USP7: variants seen among roughly 807,000 people sequenced by gnomAD.
USP7 encodes ubiquitin specific peptidase 7, also known as ubiquitin C-terminal hydrolase 7.
A neutral mutation model predicts 162.9 loss-of-function variants in USP7; 9 were observed. That is an observed-to-expected ratio of 0.06 (90% CI 0.03 to 0.10). The LOEUF is 0.10. Ranked by LOEUF, USP7 falls within the 10% of genes least tolerant of loss-of-function variation. The pLI, the probability that USP7 is intolerant of heterozygous loss-of-function variation, is 1.00. For synonymous variants in USP7, 562 were observed against 475.9 expected, an observed-to-expected ratio of 1.18 and a Z score of -2.35; for missense variants, 715 against 1,373.7, an observed-to-expected ratio of 0.52 and a Z score of 7.58.
chr16:8,927,325 A>AG (rs1596387282), intron 2 of USP7, among the ~76,000 whole-genome samples: 1 of 152,024 alleles, frequency 6.6e-6, no homozygotes. Flanking sequence ...AAAAAGAAAA[A>AG]AAAAAAGAAA....
intron 10 of USP7, among the ~76,000 whole-genome samples, chr16:8,912,885 A>G (rs1183928689): frequency 2.6e-5 from 4 of 152,360 alleles, no homozygotes; most frequent in Middle Eastern, 3.4e-3. Context: ...ATGAAACACC[A>G]TGGATGGGAT....
Position 8,921,261 on chromosome 16 carries a change from T to C in USP7, c.418A>G (p.Ile140Val), listed in dbSNP as rs749385823. 6.2e-7 allele frequency: 1 copy of C among 1,614,134 alleles called. No individual in the cohort carries two copies. The highest frequency in any genetic ancestry group is 8.5e-7 in the Non-Finnish European group (1 of 1,180,014). Reference sequence around the variant, plus strand: ...TTTTCATCATCTCTGTAATTTATTATCTTCAGCACTGCTTGTGCATGGCAA... The same window carrying C: ...TTTTCATCATCTCTGTAATTTATTACCTTCAGCACTGCTTGTGCATGGCAA... ...WSCHAQAVLK[I>V]INYRDDEKSF... The change falls in exon 4 of 31, where the codon ATA becomes GTA. Residue 140 changes from isoleucine to valine, a missense_variant. By Grantham distance (29) the Ile-to-Val change is conservative. Coordinates refer to ENST00000344836, the MANE Select transcript of USP7 (RefSeq NM_003470.3).
chr16:8,913,066 A>G (rs898263786), intron 10 of USP7, among the ~76,000 whole-genome samples: 10 of 152,130 alleles, frequency 6.6e-5, no homozygotes, highest in Non-Finnish European at 1.5e-4. Flanking sequence ...CCTTAAAAGC[A>G]CATGGGGGGC....
chr16:8,903,218 G>C lies in USP7; in HGVS notation c.1839+50C>G, dbSNP rs751850015. 4 of 1,584,976 alleles carry C rather than the reference G, an allele frequency of 2.5e-6. No homozygotes were observed. The South Asian group carries it at 4.6e-5, about 18-fold the overall frequency. ...GTATTTTCTAGTGACACGGAAGGAA[G>C]GTGGACGTTGGGAGCCACGGTGGGG... On this transcript the variant is annotated intron_variant, in intron 16 of 30. Coordinates refer to ENST00000344836, the MANE Select transcript of USP7 (RefSeq NM_003470.3).
At chr16:8,918,169 A>G (rs930989721) in intron 6 of USP7, among the ~76,000 whole-genome samples, 20 of 152,264 alleles carry the variant, frequency 1.3e-4, no homozygotes, top group Admixed American at 8.5e-4. Context: ...AGAATTACCC[A>G]TGCTGAGCTG....
chr16:8,918,366 T>C (rs972485715), intron 6 of USP7, among the ~76,000 whole-genome samples: 5 of 152,244 alleles, frequency 3.3e-5, no homozygotes, highest in African/African-American at 9.6e-5. Context: ...TGTATGTCTA[T>C]TCTTTTTGTT....
intron 4 of USP7, 145 bp downstream of exon 4, chr16:8,921,012 G>C (rs1167694795): frequency 5.3e-6 from 5 of 944,300 alleles, no homozygotes; most frequent in Non-Finnish European, 3.0e-6. Context: ...CGAAACTGGA[G>C]AAAACATGTT....
At chr16:8,900,895 C>CTAACACTG (rs1482141232) in intron 20 of USP7, 95 bp downstream of exon 20, 1 of 1,305,688 alleles carries the variant, frequency 7.7e-7, no homozygotes, top group Admixed American at 2.2e-5. Flanking sequence ...GCTGGTAGAC[C>CTAACACTG]TAACACTGTA....
At chr16:8,934,370 G>A (rs1302027109) in intron 1 of USP7, among the ~76,000 whole-genome samples, 1 of 152,200 alleles carries the variant, frequency 6.6e-6, no homozygotes, top group African/African-American at 2.4e-5. Flanking sequence ...AGAAGGGCTT[G>A]TTTGGGTGAC....
chr16:8,956,609 T>C (rs1442193494), intron 1 of USP7, among the ~76,000 whole-genome samples: 4 of 151,980 alleles, frequency 2.6e-5, no homozygotes, highest in Admixed American at 6.6e-5. Context: ...TACTAAAATA[T>C]AAAAATTAGC....
rs918882040 is a variant in USP7 at position 8,892,784 on chromosome 16, T to C, written c.*1214A>G. ...GTAACTCACTGAATTATAATTTTTA[T>C]AGAAAATTTTATTCAACATACAACA... On this transcript the variant is annotated 3_prime_UTR_variant, in exon 31 of 31. Coordinates refer to ENST00000344836, the MANE Select transcript of USP7 (RefSeq NM_003470.3). The C allele has an allele frequency of 1.3e-5, 2 of 152,138 alleles. No homozygotes were observed. The highest frequency in any genetic ancestry group is 2.9e-5 in the Non-Finnish European group (2 of 68,032). The allele number at this position is 152,138 out of a possible 1,614,324, so 9.4% of individuals were successfully genotyped here.
chr16:8,924,143 T>A (rs1235957017), intron 2 of USP7, among the ~76,000 whole-genome samples: 1 of 152,214 alleles, frequency 6.6e-6, no homozygotes, highest in Admixed American at 6.5e-5. Context: ...ACTGAAGGTC[T>A]CCATTTAAAA....
intron 30 of USP7, 50 bp downstream of exon 30, chr16:8,894,500 T>C (rs769414495): frequency 1.3e-6 from 2 of 1,584,558 alleles, no homozygotes; most frequent in South Asian, 2.2e-5. Context: ...AGACCACTTG[T>C]TTCTTAGTCT....
At chr16:8,937,039 A>G (rs776571187) in intron 1 of USP7, among the ~76,000 whole-genome samples, 9 of 152,286 alleles carry the variant, frequency 5.9e-5, no homozygotes, top group East Asian at 1.9e-4. Context: ...ATTAAAAGCT[A>G]ATTTTAAAAA....
intron 5 of USP7, 149 bp downstream of exon 5, chr16:8,920,210 A>T: frequency 1.5e-6 from 1 of 654,308 alleles, no homozygotes; most frequent in Non-Finnish European, 2.7e-6. Flanking sequence ...AACGAGTGTC[A>T]AGCAGGTGTG....
Position 8,954,204 on chromosome 16 carries a change from G to A in USP7, c.79+9003C>T, listed in dbSNP as rs868312311. 5.8e-4 allele frequency among the ~76,000 whole-genome samples: 80 copies of A among 138,686 alleles called. 1 individual carries two copies. The highest frequency in any genetic ancestry group is 2.1e-3 in the African/African-American group (76 of 36,412). 91.0% of individuals were successfully genotyped at this position (138,686 alleles called of 152,430 possible). A position where few individuals can be genotyped will look rare whatever the true frequency, so the allele number is the denominator to read the frequency against. On this transcript the variant is annotated intron_variant, in intron 1 of 30. Transcript: ENST00000344836. ...GCCACTGGAGGCAGAGGGAAGACAC[G>A]TGCCCCCTGCGGCGCCACTGGAGGC...
intron 1 of USP7, among the ~76,000 whole-genome samples, chr16:8,948,104 A>G (rs1451615159): frequency 6.6e-6 from 1 of 152,198 alleles, no homozygotes; most frequent in Non-Finnish European, 1.5e-5. Context: ...CCAGATGCTA[A>G]TAGAGCTCCC....
At position 8,915,467 on chromosome 16, in the gene USP7, T is replaced by C; in HGVS notation, c.965A>G (p.Lys322Arg). The C allele has an allele frequency of 6.2e-7, 1 of 1,613,716 alleles. No individual in the cohort carries two copies. Among genetic ancestry groups the C allele is most frequent in the Non-Finnish European group, 8.5e-7 (1 of 1,180,000 alleles). ...TACCACCATTTTGCCGCGGAATAAT[T>C]TGGGTATGGTGCCCTCTACACAGGT... ...KGTCVEGTIP[K>R]LFRGKMVSYI... The change falls in exon 9 of 31, where the codon AAA (lysine) becomes AGA (arginine). Residue 322 changes from lysine (K) to arginine (R), a missense_variant. Lys to Arg is a conservative substitution (Grantham distance 26). Coordinates refer to ENST00000344836, the MANE Select transcript of USP7 (RefSeq NM_003470.3).
chr16:8,938,153 G>C (rs980389879), intron 1 of USP7, among the ~76,000 whole-genome samples: 2 of 152,014 alleles, frequency 1.3e-5, no homozygotes, highest in Admixed American at 1.3e-4. Flanking sequence ...TGAGCAAACA[G>C]GCACGACACT....
Sources: allele counts gnomAD v4.1 joint callset (sites outside exome capture counted in the v4.1 genomes callset), GRCh38; gene constraint gnomAD v4.1.1; transcripts MANE v1.5; gene names NCBI Gene and HGNC (gene_info 2026-07-23, HGNC 2026-07-21).